The following SHQ1 variants were observed in gnomAD, a reference collection of about 807,000 sequenced individuals.
The protein encoded by SHQ1 is protein SHQ1 homolog.
SHQ1 carries 49 observed loss-of-function variants against 53.8 expected under a neutral mutation model. The observed-to-expected ratio is 0.91, with a 90% CI of 0.72 to 1.16. The LOEUF (loss-of-function observed/expected upper bound fraction) is 1.16. Among genes scored for constraint, SHQ1 ranks in the 50% most tolerant of loss-of-function variants. The pLI, the probability that SHQ1 is intolerant of heterozygous loss-of-function variation, is 0.00. For missense variants in SHQ1, 738 were observed against 683.1 expected (o/e 1.08, Z -0.90); for synonymous variants, 243 against 251.0 (o/e 0.97, Z 0.30).
chr3:72,779,960 C>A (rs902930744), intron 10 of SHQ1, among the ~76,000 whole-genome samples: 2 of 152,154 alleles, frequency 1.3e-5, no homozygotes, highest in Non-Finnish European at 1.5e-5. Flanking sequence ...CAAGGCCAGG[C>A]GAGGTGGCTC....
chr3:72,728,999 C>T, the SHQ1 span, among the ~76,000 whole-genome samples: 13 of 152,236 alleles, frequency 8.5e-5, no homozygotes, highest in South Asian at 2.1e-4. Flanking sequence ...GACCAGGTGA[C>T]GGTGACAAAC....
intron 9 of SHQ1, among the ~76,000 whole-genome samples, chr3:72,805,541 GAAGT>G (rs1483541793): frequency 1.3e-5 from 2 of 152,100 alleles, no homozygotes; most frequent in East Asian, 3.9e-4. Flanking sequence ...ACTAATTATA[GAAGT>G]TTTTTTTAAG....
intron 6 of SHQ1, 103 bp downstream of exon 6, chr3:72,824,321 A>G (rs1707577761): frequency 1.5e-6 from 2 of 1,363,320 alleles, no homozygotes; most frequent in Admixed American, 2.6e-5. Context: ...TTTTAACATT[A>G]TAAGGCAATT....
At position 72,750,579 on chromosome 3, in the gene SHQ1, A is replaced by T. The variant is rs773130507; in HGVS notation, c.1439T>A (p.Leu480His). Residue 480 changes from leucine to histidine, a missense_variant, in exon 11 of 11, where the codon CTC becomes CAC. Coordinates refer to ENST00000325599, the MANE Select transcript of SHQ1 (RefSeq NM_018130.3). ...GACTGTCTCAGATGGACTATCTTTG[A>T]GTTCATCTTGTTCTGAATCTGAGCC... is the stretch of plus-strand genomic sequence containing the variant. ...DSGSDSEQDE[L>H]KDSPSETVSS... 5.0e-6 allele frequency: 8 copies of T among 1,614,104 alleles called. No homozygotes were observed. The East Asian group carries it at 1.6e-4, about 31-fold the overall frequency.
chr3:72,831,002 T>C (rs973762399), intron 5 of SHQ1, among the ~76,000 whole-genome samples: 2 of 152,230 alleles, frequency 1.3e-5, no homozygotes, highest in African/African-American at 2.4e-5. Context: ...TCTGTTTTTA[T>C]GCTAGCCTGA....
chr3:72,770,521 T>C lies in SHQ1; in HGVS notation c.1182-19685A>G, dbSNP rs144938391. On this transcript the variant is annotated intron_variant, in intron 10 of 10. Coordinates refer to ENST00000325599, the MANE Select transcript of SHQ1 (RefSeq NM_018130.3). Reference sequence around the variant, plus strand: ...TCAGAAGTTCCAGGAAGGAGTTTGCTTTTGCCAGTTTCACCAAGGGCTGTC... The same window carrying C: ...TCAGAAGTTCCAGGAAGGAGTTTGCCTTTGCCAGTTTCACCAAGGGCTGTC... 4.2e-3 allele frequency among the ~76,000 whole-genome samples: 637 copies of C among 152,256 alleles called. 21 individuals are homozygous for C. Among genetic ancestry groups the C allele is most frequent in the Admixed American group, 0.036 (555 of 15,282 alleles).
At chr3:72,732,375 TGCC>T in the SHQ1 span, among the ~76,000 whole-genome samples, 740 of 133,518 alleles carry the variant, frequency 5.5e-3, 5 homozygotes, top group African/African-American at 0.021. Context: ...CCTGCCTGCC[TGCC>T]TGCCTGCCTG....
At chr3:72,773,066 C>T (rs1705889000) in intron 10 of SHQ1, 2 of 858,394 alleles carry the variant, frequency 2.3e-6, no homozygotes, top group African/African-American at 1.7e-5. Context: ...TCCATGTTCT[C>T]TAAGTACTCG....
intron 6 of SHQ1, among the ~76,000 whole-genome samples, chr3:72,817,821 A>G (rs1444142666): frequency 6.6e-6 from 1 of 152,184 alleles, no homozygotes; most frequent in Non-Finnish European, 1.5e-5. Context: ...TAAAATTGTT[A>G]AATTTAAATT....
At chr3:72,798,670 C>G (rs1323817638) in intron 9 of SHQ1, among the ~76,000 whole-genome samples, 2 of 152,204 alleles carry the variant, frequency 1.3e-5, no homozygotes, top group Non-Finnish European at 2.9e-5. Context: ...AATCCCTTGG[C>G]TTCCTGAAAT....
At chr3:72,753,690 G>T (rs1705437636) in intron 10 of SHQ1, 1 of 950,872 alleles carries the variant, frequency 1.1e-6, no homozygotes, top group African/African-American at 1.8e-5. Flanking sequence ...GAAAACCAAG[G>T]TGAGATCCAC....
intron 10 of SHQ1, among the ~76,000 whole-genome samples, chr3:72,759,016 C>A (rs1169476411): frequency 6.6e-6 from 1 of 152,208 alleles, no homozygotes; most frequent in African/African-American, 2.4e-5. Flanking sequence ...CCAAGCTCTG[C>A]CTCTGTTGTT....
intron 10 of SHQ1, among the ~76,000 whole-genome samples, chr3:72,763,595 C>T (rs7632726): frequency 0.44 from 67,251 of 152,036 alleles, 19,264 homozygotes; most frequent in African/African-American, 0.83. Context: ...GATTAGGTCA[C>T]ACCGGATTAG....
At chr3:72,846,430 G>A (rs1351952562) in intron 1 of SHQ1, 17 of 849,160 alleles carry the variant, frequency 2.0e-5, no homozygotes, top group Non-Finnish European at 2.7e-5. Flanking sequence ...CAAGTAGCTA[G>A]GACTACAAGC....
Position 72,841,619 on chromosome 3 carries a change from T to C in SHQ1, c.332-420A>G, listed in dbSNP as rs76617173. Reference sequence around the variant, plus strand: ...TTCTTCGGGTGTTGGAAATGCTCCATTTCTTGACAGAGGTGGTGTTCACTT... The same window carrying C: ...TTCTTCGGGTGTTGGAAATGCTCCACTTCTTGACAGAGGTGGTGTTCACTT... On this transcript the variant is annotated intron_variant, in intron 3 of 10. Coordinates refer to ENST00000325599, the MANE Select transcript of SHQ1 (RefSeq NM_018130.3). Among the ~76,000 whole-genome samples, 733 of 152,294 alleles carry C rather than the reference T, an allele frequency of 4.8e-3. 8 individuals are homozygous for C. Among genetic ancestry groups the C allele is most frequent in the African/African-American group, 0.017 (687 of 41,570 alleles).
the SHQ1 span, among the ~76,000 whole-genome samples, chr3:72,730,588 G>C: frequency 6.6e-6 from 1 of 152,158 alleles, no homozygotes; most frequent in Non-Finnish European, 1.5e-5. Flanking sequence ...TCTTTACTAG[G>C]AAGTCCCTAC....
At chr3:72,732,208 C>A in the SHQ1 span, among the ~76,000 whole-genome samples, 6 of 151,516 alleles carry the variant, frequency 4.0e-5, no homozygotes, top group African/African-American at 1.5e-4. Context: ...AAGCCCCGTG[C>A]AGGCCTGGCT....
rs1705553410 is a variant in SHQ1 at position 72,758,766 on chromosome 3, AC to A, written c.1182-7931del. Among the ~76,000 whole-genome samples, 7 of 152,038 alleles carry A rather than the reference AC, an allele frequency of 4.6e-5. No homozygotes were observed. The South Asian group carries it at 1.5e-3, about 32-fold the overall frequency. On this transcript the variant is annotated intron_variant, in intron 10 of 10. Transcript: ENST00000325599. The stretch of plus-strand genomic sequence containing the variant: ...TGTATTTTGGTAGAGACAGGGTTTC[AC>A]CATGTTGGCCAGGCTGGTCTCAAAC...
rs540841756 is a variant in SHQ1 at position 72,815,765 on chromosome 3, A to C, written c.883-362T>G. 1.2e-4 allele frequency among the ~76,000 whole-genome samples: 18 copies of C among 152,294 alleles called. 1 individual carries two copies. Among genetic ancestry groups the C allele is most frequent in the Admixed American group, 3.3e-4 (5 of 15,302 alleles). ...CAAACAATCCATAAATAATCTATCA[A>C]AGGAATCAAAGATAATGTTGAAGTA... On this transcript the variant is annotated intron_variant, in intron 7 of 10. Transcript: ENST00000325599.
Sources: allele counts gnomAD v4.1 joint callset (sites outside exome capture counted in the v4.1 genomes callset), GRCh38; gene constraint gnomAD v4.1.1; transcripts MANE v1.5; gene names NCBI Gene and HGNC (gene_info 2026-07-23, HGNC 2026-07-21).